BTBD7: variants seen among roughly 807,000 people sequenced by gnomAD.
BTBD7 encodes the protein BTB domain containing 7, also known as BTB/POZ domain-containing protein 7.
Under a neutral mutation model 99.9 loss-of-function variants are expected in BTBD7, and 38 were observed. The observed-to-expected ratio is 0.38, with a 90% CI of 0.29 to 0.50. The LOEUF (loss-of-function observed/expected upper bound fraction) is 0.50, where lower values mean the gene tolerates loss of function less well. Among genes scored for constraint, BTBD7 ranks in the 20% least tolerant of loss-of-function variants. BTBD7 has a pLI of 0.93. For synonymous variants in BTBD7, 520 were observed against 511.4 expected (o/e 1.02, Z -0.23); for missense variants, 1,170 against 1,394.6 (o/e 0.84, Z 2.57).
intron 1 of BTBD7, among the ~76,000 whole-genome samples, chr14:93,323,942 C>T (rs770407412): frequency 2.0e-5 from 3 of 152,170 alleles, no homozygotes; most frequent in African/African-American, 4.8e-5. Flanking sequence ...AGACACTGTG[C>T]GACATCCCGT....
intron 6 of BTBD7, 29 bp downstream of exon 6, chr14:93,257,166 G>T (rs773909681): frequency 2.5e-6 from 4 of 1,596,350 alleles, no homozygotes; most frequent in South Asian, 2.3e-5. Flanking sequence ...TTCTTTTCAT[G>T]AAAGGAATAC....
intron 3 of BTBD7, among the ~76,000 whole-genome samples, chr14:93,292,536 G>T (rs2052870722): frequency 6.6e-6 from 1 of 151,986 alleles, no homozygotes; most frequent in Admixed American, 6.6e-5. Context: ...TATTATAAAA[G>T]GATTATGGTA....
chr14:93,328,505 G>A (rs761148493), intron 1 of BTBD7, among the ~76,000 whole-genome samples: 15 of 151,664 alleles, frequency 9.9e-5, no homozygotes, highest in Non-Finnish European at 1.3e-4. Context: ...CCATTTAATG[G>A]GAAATGGACA....
At chr14:93,313,014 AG>A (rs1490279542) in intron 1 of BTBD7, among the ~76,000 whole-genome samples, 1 of 152,232 alleles carries the variant, frequency 6.6e-6, no homozygotes. Context: ...GATCTGGCAC[AG>A]CACCCTAATT....
At chr14:93,316,727 T>C (rs1364630598) in intron 1 of BTBD7, among the ~76,000 whole-genome samples, 2 of 152,198 alleles carry the variant, frequency 1.3e-5, no homozygotes, top group Non-Finnish European at 1.5e-5. Flanking sequence ...GTAAAAACGT[T>C]TGCTTGCTCT....
At position 93,239,637 on chromosome 14, in the gene BTBD7, G is replaced by A. The variant is rs765009940; in HGVS notation, c.*2636C>T. 1.3e-5 allele frequency: 2 copies of A among 152,258 alleles called. No individual in the cohort carries two copies. The highest frequency in any genetic ancestry group is 2.4e-5 in the African/African-American group (1 of 41,352). The allele number at this position is 152,258 out of a possible 1,614,324, so 9.4% of individuals were successfully genotyped here. On this transcript the variant is annotated 3_prime_UTR_variant, in exon 11 of 11. Coordinates refer to ENST00000334746, the MANE Select transcript of BTBD7 (RefSeq NM_001002860.4). ...CTAACCTAACGCACACAAAACCCAC[G>A]CCTGTTTACCTTCTGCAAGTCGCAT...
intron 7 of BTBD7, 96 bp downstream of exon 7, chr14:93,253,551 G>T: frequency 9.0e-7 from 1 of 1,113,562 alleles, no homozygotes. Context: ...TGAAAATATA[G>T]GCTATTTCCA....
intron 1 of BTBD7, among the ~76,000 whole-genome samples, chr14:93,315,803 T>C (rs1287085229): frequency 6.6e-6 from 1 of 152,240 alleles, no homozygotes; most frequent in East Asian, 1.9e-4. Context: ...GTATTTGATT[T>C]ATTCATTCAT....
Position 93,253,801 on chromosome 14 carries a change from AT to A in BTBD7, c.1609-12del, listed in dbSNP as rs770555681. On this transcript the variant is annotated splice_polypyrimidine_tract_variant and intron_variant, in intron 6 of 10. Coordinates refer to ENST00000334746, the MANE Select transcript of BTBD7 (RefSeq NM_001002860.4). Reference sequence around the variant, plus strand: ...CAAGCCTCTTTTCATCTAAAAAAAAATTTTTTTTTTAGATAGAAATCTGTGT... The same window carrying A: ...CAAGCCTCTTTTCATCTAAAAAAAAATTTTTTTTTAGATAGAAATCTGTGT... 1,051 of 1,409,690 alleles carry A rather than the reference AT, an allele frequency of 7.5e-4. No homozygotes were observed. The highest frequency in any genetic ancestry group is 2.0e-3 in the South Asian group (139 of 69,730). 87.3% of individuals were successfully genotyped at this position (1,409,690 alleles called of 1,614,324 possible).
intron 3 of BTBD7, among the ~76,000 whole-genome samples, chr14:93,268,896 T>C (rs767543903): frequency 3.9e-5 from 6 of 151,968 alleles, no homozygotes; most frequent in Admixed American, 1.3e-4. Context: ...GTAGCTGGGA[T>C]TACAGGCACC....
rs1405602701 is a variant in BTBD7, at chr14:93,248,616, G to A, written c.1981C>T (p.Leu661=). ...TGCTCCGTGTGCCGCAGTTCCTGCAGTCGTCTGACCATGTCTTTCATAATG... is the reference window on the plus strand; with the variant it reads ...TGCTCCGTGTGCCGCAGTTCCTGCAATCGTCTGACCATGTCTTTCATAATG... ...LLIMKDMVRR[L]QELRHTEQVQ... is the part of the protein sequence containing the mutation. The change falls in exon 9 of 11, where the codon CTG becomes TTG. Residue 661 remains leucine (L), a synonymous_variant. Coordinates refer to ENST00000334746, the MANE Select transcript of BTBD7 (RefSeq NM_001002860.4). 1 of 1,613,212 alleles carries A rather than the reference G, an allele frequency of 6.2e-7. No homozygotes were observed. The highest frequency in any genetic ancestry group is 2.2e-5 in the East Asian group (1 of 44,896).
chr14:93,323,869 T>C (rs1036306782), intron 1 of BTBD7, among the ~76,000 whole-genome samples: 1 of 152,222 alleles, frequency 6.6e-6, no homozygotes, highest in Admixed American at 6.5e-5. Flanking sequence ...AAGCACTCTT[T>C]CATGTTACTA....
intron 3 of BTBD7, among the ~76,000 whole-genome samples, chr14:93,281,033 T>TA (rs1428498738): frequency 2.0e-5 from 3 of 152,042 alleles, no homozygotes; most frequent in Non-Finnish European, 4.4e-5. Flanking sequence ...GACAGGGTCT[T>TA]ACTCTGTCAG....
intron 8 of BTBD7, 106 bp from the exon 9 acceptor site, chr14:93,248,760 G>C: frequency 9.9e-7 from 1 of 1,007,170 alleles, no homozygotes; most frequent in Non-Finnish European, 1.4e-6. Flanking sequence ...AATCTTATAA[G>C]TTTTTAAGAT....
Position 93,300,752 on chromosome 14 carries a change from GTGTGTGTGTGTGTGTGTGTGTATA to G in BTBD7, c.-106-4619_-106-4596del, listed in dbSNP as rs1293005213. Among the ~76,000 whole-genome samples, 258 of 74,180 alleles carry G rather than the reference GTGTGTGTGTGTGTGTGTGTGTATA, an allele frequency of 3.5e-3. 19 individuals carry two copies. Among genetic ancestry groups the G allele is most frequent in the South Asian group, 0.013 (29 of 2,198 alleles). The allele number at this position is 74,180 out of a possible 152,430, so 48.7% of individuals were successfully genotyped here. A position where few individuals can be genotyped will look rare whatever the true frequency, so the allele number is the denominator to read the frequency against. ...TGTGTGTGTGTGTGTGTGTGTGTGTGTGTGTGTGTGTGTGTGTGTGTATATATATATATATTTTTTTTTTGTAGA... is the reference window on the plus strand; with the variant it reads ...TGTGTGTGTGTGTGTGTGTGTGTGTGTATATATATATTTTTTTTTTGTAGA... On this transcript the variant is annotated intron_variant, in intron 1 of 10. Coordinates refer to ENST00000334746, the MANE Select transcript of BTBD7 (RefSeq NM_001002860.4).
rs2052812051 is a variant in BTBD7 at position 93,288,833 on chromosome 14, G to A, written c.1162+5025C>T. ...ACTTTTGAGCTGTTCACCATTTCCA[G>A]GACTCCAGTTTCTTCTTGTATTTGC... On this transcript the variant is annotated intron_variant, in intron 3 of 10. Coordinates refer to ENST00000334746, the MANE Select transcript of BTBD7 (RefSeq NM_001002860.4). 4 of 1,372,812 alleles carry A rather than the reference G, an allele frequency of 2.9e-6. No individual in the cohort carries two copies. In the South Asian group the frequency reaches 6.1e-5, roughly 21 times the overall value. 85.0% of individuals were successfully genotyped at this position (1,372,812 alleles called of 1,614,324 possible). A position where few individuals can be genotyped will look rare whatever the true frequency, so the allele number is the denominator to read the frequency against.
chr14:93,324,904 A>G (rs2053310356), intron 1 of BTBD7, among the ~76,000 whole-genome samples: 1 of 152,194 alleles, frequency 6.6e-6, no homozygotes, highest in Non-Finnish European at 1.5e-5. Context: ...TTAGATGGGC[A>G]GCTAACAGAA....
chr14:93,257,104 C>CT (rs2052438522), intron 6 of BTBD7, 91 bp downstream of exon 6: 1 of 1,298,112 alleles, frequency 7.7e-7, no homozygotes, highest in Non-Finnish European at 1.1e-6. Context: ...TCACAATACT[C>CT]TATTAGTAGC....
chr14:93,260,228 C>G (rs1231917272), intron 5 of BTBD7, among the ~76,000 whole-genome samples: 1 of 152,154 alleles, frequency 6.6e-6, no homozygotes, highest in Admixed American at 6.5e-5. Flanking sequence ...CTGACTTGAA[C>G]ACTTCAAACC....
Sources: gnomAD v4.1 joint callset for allele counts (sites outside exome capture counted in the v4.1 genomes callset) on GRCh38, gnomAD v4.1.1 for gene constraint, MANE v1.5 for transcripts, NCBI Gene and HGNC (gene_info 2026-07-23, HGNC 2026-07-21) for gene names.